Variants in KCNAB1 observed in about 807,000 individuals in gnomAD.
KCNAB1 encodes voltage-gated potassium channel subunit beta-1.
In KCNAB1, 35 loss-of-function variants were observed where a neutral mutation model predicts 64.6. The ratio of observed to expected loss-of-function variants is 0.54; its 90% CI spans 0.41 to 0.72. KCNAB1 has a LOEUF of 0.72. Among genes scored for constraint, KCNAB1 ranks in the 30% least tolerant of loss-of-function variants. KCNAB1 has a pLI of 0.00. For synonymous variants in KCNAB1, 177 were observed against 183.8 expected (o/e 0.96, Z 0.30); for missense variants, 401 against 512.9 (o/e 0.78, Z 2.11).
Position 156,479,389 on chromosome 3 carries a change from C to T in KCNAB1, c.658+4569C>T, listed in dbSNP as rs140745110. Among the ~76,000 whole-genome samples, 846 of 152,142 alleles carry T rather than the reference C, an allele frequency of 5.6e-3. 15 individuals are homozygous for T. The highest frequency in any genetic ancestry group is 4.0e-3 in the Non-Finnish European group (275 of 67,974). On this transcript the variant is annotated intron_variant, in intron 8 of 13. Coordinates refer to ENST00000490337, the MANE Select transcript of KCNAB1 (RefSeq NM_172160.3). ...GGATGGACACAGAGCATTTGTGTGTCCAAGGAGCCATATGAGGAGTTTTTT... is the reference window on the plus strand; with the variant it reads ...GGATGGACACAGAGCATTTGTGTGTTCAAGGAGCCATATGAGGAGTTTTTT...
intron 1 of KCNAB1, among the ~76,000 whole-genome samples, chr3:156,142,148 TAA>T (rs1460260833): frequency 6.6e-6 from 1 of 152,234 alleles, no homozygotes; most frequent in African/African-American, 2.4e-5. Flanking sequence ...GTTCTAGATA[TAA>T]GTCTTTTGTC....
At chr3:156,310,543 C>A (rs1467752456) in intron 1 of KCNAB1, among the ~76,000 whole-genome samples, 1 of 152,124 alleles carries the variant, frequency 6.6e-6, no homozygotes, top group Non-Finnish European at 1.5e-5. Flanking sequence ...GTGGCTTACG[C>A]CTGTAATCCC....
intron 1 of KCNAB1, among the ~76,000 whole-genome samples, chr3:156,137,552 C>CTT (rs1249409467): frequency 1.3e-4 from 18 of 142,312 alleles, no homozygotes; most frequent in African/African-American, 2.8e-4. Context: ...CAAACTTCCT[C>CTT]TTTTTTTTTT....
At chr3:156,287,412 A>G (rs1481334544) in intron 1 of KCNAB1, among the ~76,000 whole-genome samples, 3 of 152,002 alleles carry the variant, frequency 2.0e-5, no homozygotes, top group African/African-American at 7.2e-5. Context: ...CAGTTTTACG[A>G]AGTAATAAAT....
intron 1 of KCNAB1, among the ~76,000 whole-genome samples, chr3:156,361,815 C>T (rs1056324835): frequency 6.6e-5 from 10 of 152,066 alleles, no homozygotes; most frequent in African/African-American, 2.4e-4. Context: ...CATGCCACCA[C>T]ACCCAGCCAA....
chr3:156,187,854 G>C (rs1283736655), intron 1 of KCNAB1, among the ~76,000 whole-genome samples: 1 of 152,150 alleles, frequency 6.6e-6, no homozygotes, highest in Non-Finnish European at 1.5e-5. Context: ...ATCTGGGTTC[G>C]CTAGCACAGT....
At chr3:156,358,374 G>A (rs1297716424) in intron 1 of KCNAB1, among the ~76,000 whole-genome samples, 1 of 152,164 alleles carries the variant, frequency 6.6e-6, no homozygotes, top group African/African-American at 2.4e-5. Context: ...GGAAGGAGAA[G>A]GGGAAGGGAG....
intron 1 of KCNAB1, among the ~76,000 whole-genome samples, chr3:156,355,220 A>C (rs532758758): frequency 6.6e-6 from 1 of 152,244 alleles, no homozygotes; most frequent in African/African-American, 2.4e-5. Flanking sequence ...AAACAAATAC[A>C]GATTGGAAAT....
chr3:156,143,587 T>C (rs1714858456), intron 1 of KCNAB1, among the ~76,000 whole-genome samples: 1 of 148,266 alleles, frequency 6.7e-6, no homozygotes, highest in African/African-American at 2.5e-5. Context: ...TTTTTTTTTT[T>C]TTTTTTTTTT....
At chr3:156,524,843 C>CT (rs779898872) in intron 12 of KCNAB1, among the ~76,000 whole-genome samples, 1 of 150,018 alleles carries the variant, frequency 6.7e-6, no homozygotes, top group Non-Finnish European at 1.5e-5. Context: ...TCATGGGTGT[C>CT]TCAGTCAACG....
chr3:156,170,691 C>T (rs930898205), intron 1 of KCNAB1, among the ~76,000 whole-genome samples: 2 of 152,138 alleles, frequency 1.3e-5, no homozygotes, highest in Admixed American at 1.3e-4. Context: ...TTCCAACATG[C>T]TCCAGTTAGC....
At chr3:156,514,034 A>T (rs1474821725) in intron 8 of KCNAB1, among the ~76,000 whole-genome samples, 1 of 152,204 alleles carries the variant, frequency 6.6e-6, no homozygotes, top group Admixed American at 6.5e-5. Context: ...CAGGCTCTTA[A>T]AAAGGTAAAT....
chr3:156,145,092 T>C (rs1005173408), intron 1 of KCNAB1, among the ~76,000 whole-genome samples: 2 of 152,150 alleles, frequency 1.3e-5, no homozygotes, highest in African/African-American at 4.8e-5. Context: ...GGGCGACTCT[T>C]CATGATGCCT....
At chr3:156,495,695 C>T (rs775604562) in intron 8 of KCNAB1, among the ~76,000 whole-genome samples, 25 of 151,948 alleles carry the variant, frequency 1.6e-4, no homozygotes, top group Non-Finnish European at 2.4e-4. Flanking sequence ...TCCTCATGTG[C>T]GAAATAAGAA....
intron 8 of KCNAB1, among the ~76,000 whole-genome samples, chr3:156,511,070 A>G (rs1717174102): frequency 6.6e-6 from 1 of 152,112 alleles, no homozygotes; most frequent in Non-Finnish European, 1.5e-5. Flanking sequence ...TTATCCAACT[A>G]TTAAATATCC....
chr3:156,441,212 C>A (rs1010785121), intron 2 of KCNAB1: 3 of 152,132 alleles, frequency 2.0e-5, no homozygotes, highest in Non-Finnish European at 4.4e-5. Context: ...TATAAGCACA[C>A]ACTGTGTTTT....
At chr3:156,487,451 C>G (rs1178222293) in intron 8 of KCNAB1, among the ~76,000 whole-genome samples, 1 of 152,110 alleles carries the variant, frequency 6.6e-6, no homozygotes, top group Admixed American at 6.6e-5. Flanking sequence ...AAATGTATCC[C>G]CATGTTAAGT....
At chr3:156,387,838 A>T (rs1712728471) in intron 1 of KCNAB1, among the ~76,000 whole-genome samples, 1 of 152,192 alleles carries the variant, frequency 6.6e-6, no homozygotes, top group East Asian at 1.9e-4. Flanking sequence ...TTATTTTTTT[A>T]AAATCCAAAC....
At chr3:156,211,972 C>G (rs1390774012) in intron 1 of KCNAB1, among the ~76,000 whole-genome samples, 1 of 152,198 alleles carries the variant, frequency 6.6e-6, no homozygotes, top group Non-Finnish European at 1.5e-5. Flanking sequence ...AGGGGTGATG[C>G]TGGCTAATGT....
Sources: allele counts gnomAD v4.1 joint callset (sites outside exome capture counted in the v4.1 genomes callset), GRCh38; gene constraint gnomAD v4.1.1; transcripts MANE v1.5; gene names NCBI Gene and HGNC (gene_info 2026-07-23, HGNC 2026-07-21).